Variants in ZBTB11 observed in about 807,000 individuals in gnomAD.
ZBTB11 encodes zinc finger and BTB domain-containing protein 11.
In ZBTB11, 68 loss-of-function variants were observed where a neutral mutation model predicts 113.1. The ratio of observed to expected loss-of-function variants is 0.60; its 90% confidence interval spans 0.49 to 0.74. The LOEUF is 0.74. Ranked by LOEUF, ZBTB11 falls within the 30% of genes least tolerant of loss-of-function variation. The pLI, the probability that ZBTB11 is intolerant of heterozygous loss-of-function variation, is 0.00. For missense variants in ZBTB11, 1,104 were observed against 1,279.4 expected, an observed-to-expected ratio of 0.86 and a Z score of 2.09; for synonymous variants, 518 against 452.6, an observed-to-expected ratio of 1.14 and a Z score of -1.83.
chr3:101,665,323 C>T lies in ZBTB11; in HGVS notation c.1264G>A (p.Glu422Lys). 6.2e-7 allele frequency: 1 copy of T among 1,614,202 alleles called. No individual in the cohort carries two copies. The highest frequency in any genetic ancestry group is 8.5e-7 in the Non-Finnish European group (1 of 1,180,042). ...VDLITKNNQT[E>K]LETSNNRENN... The stretch of plus-strand genomic sequence containing the variant: ...TCTCTGTTGTTTGAAGTTTCTAGTT[C>T]TGTCTGGTTGTTTTTTGTTATTAAA... The change falls in exon 4 of 11, where the codon GAA becomes AAA. Residue 422 changes from glutamate (E) to lysine (K), a missense_variant. Coordinates refer to ENST00000312938, the MANE Select transcript of ZBTB11 (RefSeq NM_014415.4).
chr3:101,654,881 T>G, intron 7 of ZBTB11, 60 bp from the exon 8 acceptor site: 1 of 626,092 alleles, frequency 1.6e-6, no homozygotes. Flanking sequence ...TTTAACAGAA[T>G]TTTTTTTTTT....
chr3:101,660,180 A>T (rs1936864374), intron 5 of ZBTB11, 152 bp from the exon 6 acceptor site: 1 of 764,708 alleles, frequency 1.3e-6, no homozygotes, highest in Non-Finnish European at 2.1e-6. Context: ...GTAAAGATAA[A>T]AGGGATAAGA....
At chr3:101,658,101 T>G (rs1040318992) in intron 6 of ZBTB11, among the ~76,000 whole-genome samples, 1 of 152,000 alleles carries the variant, frequency 6.6e-6, no homozygotes, top group African/African-American at 2.4e-5. Context: ...CATAAATCAA[T>G]GAGCAGATAA....
chr3:101,665,543 C>G lies in ZBTB11; in HGVS notation c.1044G>C (p.Glu348Asp). The G allele has an allele frequency of 6.2e-7, 1 of 1,614,222 alleles. No individual in the cohort carries two copies. Among genetic ancestry groups the G allele is most frequent in the Middle Eastern group, 1.6e-4 (1 of 6,062 alleles). Reference sequence around the variant, plus strand: ...CAGTAGGTAAACTTGTTGTGGTTCCCTCACTGCTAGCAACAGGAGGTGCTG... The same window carrying G: ...CAGTAGGTAAACTTGTTGTGGTTCCGTCACTGCTAGCAACAGGAGGTGCTG... ...GGTAPPVASS[E>D]GTTTSLPTEL... The change falls in exon 4 of 11, where the codon GAG becomes GAC. Residue 348 changes from glutamate (E) to aspartate (D), a missense_variant. Transcript: ENST00000312938.
chr3:101,656,061 T>C (rs1576644592), intron 7 of ZBTB11, 43 bp downstream of exon 7: 1 of 1,352,684 alleles, frequency 7.4e-7, no homozygotes, highest in East Asian at 2.7e-5. Context: ...TAATCATTAA[T>C]AGTTTATGAA....
intron 5 of ZBTB11, among the ~76,000 whole-genome samples, chr3:101,661,061 G>T (rs558707812): frequency 6.6e-6 from 1 of 151,678 alleles, no homozygotes; most frequent in Middle Eastern, 3.2e-3. Context: ...GTAAAACCCT[G>T]TCTCTACAAA....
intron 1 of ZBTB11, among the ~76,000 whole-genome samples, chr3:101,672,958 C>G (rs913195282): frequency 1.3e-5 from 2 of 152,138 alleles, no homozygotes; most frequent in Admixed American, 1.3e-4. Context: ...ATGAAAAAAG[C>G]TGAAACCAAT....
At chr3:101,668,023 C>T (rs1349461412) in intron 3 of ZBTB11, among the ~76,000 whole-genome samples, 1 of 151,798 alleles carries the variant, frequency 6.6e-6, no homozygotes, top group Admixed American at 6.6e-5. Flanking sequence ...ACTATTCAGC[C>T]ATAAAAAAGA....
chr3:101,650,722 T>C lies in ZBTB11; in HGVS notation c.*444A>G, dbSNP rs924248647. ...ATATTAGAATTTTCTTTTTAATCCATAAACAGGGCAAATAAATCACAGAAT... is the reference window on the plus strand; with the variant it reads ...ATATTAGAATTTTCTTTTTAATCCACAAACAGGGCAAATAAATCACAGAAT... On this transcript the variant is annotated 3_prime_UTR_variant, in exon 11 of 11. Transcript: ENST00000312938. 1 of 153,232 alleles carries C rather than the reference T, an allele frequency of 6.5e-6. No homozygotes were observed. Among genetic ancestry groups the C allele is most frequent in the Non-Finnish European group, 1.5e-5 (1 of 68,638 alleles). 9.5% of individuals were successfully genotyped at this position (153,232 alleles called of 1,614,324 possible). A position where few individuals can be genotyped will look rare whatever the true frequency, so the allele number is the denominator to read the frequency against.
Position 101,676,853 on chromosome 3 carries a change from T to G in ZBTB11, c.62A>C (p.Tyr21Ser), listed in dbSNP as rs760710822. ...GACATTGCCCTCGGTGCCCGGCGCA[T>G]ACGGCTCGCGCTCGTTCGTCAGGTA... ...LRYLTNEREP[Y>S]APGTEGNVKR... Residue 21 changes from tyrosine (Y) to serine (S), a missense_variant, in exon 1 of 11, where the codon TAT (tyrosine) becomes TCT (serine). Around this residue, in one of 5 missense-constraint regions of ZBTB11, gnomAD observed 245 missense variants for 272.5 expected, o/e 0.90. Coordinates refer to ENST00000312938, the MANE Select transcript of ZBTB11 (RefSeq NM_014415.4). 1 of 1,610,478 alleles carries G rather than the reference T, an allele frequency of 6.2e-7. No homozygotes were observed. Among genetic ancestry groups the G allele is most frequent in the African/African-American group, 1.3e-5 (1 of 74,822 alleles).
intron 2 of ZBTB11, 52 bp downstream of exon 2, chr3:101,671,926 A>G: frequency 7.1e-7 from 1 of 1,403,022 alleles, no homozygotes; most frequent in Non-Finnish European, 1.0e-6. Flanking sequence ...AAGGCTGCAA[A>G]TACTAGTACA....
Position 101,671,251 on chromosome 3 carries a change from TAAC to T in ZBTB11, c.654_656del (p.Leu219del). Reference sequence around the variant, plus strand: ...GAGCTTTGTACTCTTCTCCTTCAATTAACAAAGTAACATCACAGAACTGGTTGG... The same window carrying T: ...GAGCTTTGTACTCTTCTCCTTCAATTAAAGTAACATCACAGAACTGGTTGG... On this transcript the variant is annotated inframe_deletion, in exon 3 of 11. Coordinates refer to ENST00000312938, the MANE Select transcript of ZBTB11 (RefSeq NM_014415.4). 1 of 1,614,208 alleles carries T rather than the reference TAAC, an allele frequency of 6.2e-7. No individual in the cohort carries two copies. Among genetic ancestry groups the T allele is most frequent in the Non-Finnish European group, 8.5e-7 (1 of 1,180,016 alleles).
chr3:101,651,221 G>A lies in ZBTB11; in HGVS notation c.3107C>T (p.Ala1036Val), dbSNP rs753229892. The A allele has an allele frequency of 3.1e-6, 5 of 1,611,426 alleles. No individual in the cohort carries two copies. Among genetic ancestry groups the A allele is most frequent in the Non-Finnish European group, 4.2e-6 (5 of 1,179,236 alleles). The stretch of plus-strand genomic sequence containing the variant: ...TACTTTAACAGTTTGAATAGCTTCT[G>A]CAACTTCAGATAGCTTCTGTCCTTG... ...QQQGQKLSEV[A>V]EAIQTVKVEV... Residue 1036 changes from alanine (A) to valine (V), a missense_variant, in exon 11 of 11, where the codon GCA becomes GTA. Around this residue, in one of 5 missense-constraint regions of ZBTB11, gnomAD observed 90 missense variants for 98.0 expected, o/e 0.92. Coordinates refer to ENST00000312938, the MANE Select transcript of ZBTB11 (RefSeq NM_014415.4).
chr3:101,676,873 C>G lies in ZBTB11; in HGVS notation c.42G>C (p.Leu14=). Residue 14 remains leucine (L), a synonymous_variant, in exon 1 of 11, where the codon CTG becomes CTC. Transcript: ENST00000312938. ...EESYRAILRY[L]TNEREPYAPG... ...GCGCATACGGCTCGCGCTCGTTCGT[C>G]AGGTAACGCAGGATGGCCCGGTAGC... 6.2e-7 allele frequency: 1 copy of G among 1,603,888 alleles called. No individual in the cohort carries two copies. Among genetic ancestry groups the G allele is most frequent in the Non-Finnish European group, 8.5e-7 (1 of 1,174,514 alleles).
intron 1 of ZBTB11, 160 bp downstream of exon 1, chr3:101,676,445 C>T (rs1210869806): frequency 2.8e-6 from 2 of 719,224 alleles, no homozygotes; most frequent in South Asian, 3.4e-5. Flanking sequence ...AAGTGCGGCT[C>T]CTTTCGCGTC....
At chr3:101,652,034 C>T (rs1384181612) in intron 10 of ZBTB11, among the ~76,000 whole-genome samples, 1 of 151,926 alleles carries the variant, frequency 6.6e-6, no homozygotes, top group African/African-American at 2.4e-5. Context: ...GAGGCTGAGG[C>T]ATGACAATCA....
At chr3:101,654,946 C>T (rs1275444541) in intron 7 of ZBTB11, 125 bp from the exon 8 acceptor site, 7 of 643,448 alleles carry the variant, frequency 1.1e-5, no homozygotes, top group East Asian at 8.0e-5. Context: ...GGCGTGATCT[C>T]GGCTCATCGC....
rs538625983 is a variant in ZBTB11, at chr3:101,673,575, G to T, written c.311-1362C>A. Reference sequence around the variant, plus strand: ...GTTGCCCAGGCTGGAGTGCAGTGGTGGGATCCCGGCTCACTGCAACCTCCG... The same window carrying T: ...GTTGCCCAGGCTGGAGTGCAGTGGTTGGATCCCGGCTCACTGCAACCTCCG... On this transcript the variant is annotated intron_variant, in intron 1 of 10. Transcript: ENST00000312938. Among the ~76,000 whole-genome samples, 6 of 151,488 alleles carry T rather than the reference G, an allele frequency of 4.0e-5. No homozygotes were observed. The South Asian group carries it at 1.3e-3, about 32-fold the overall frequency.
In ZBTB11 at chr3:101,652,665, A is replaced by G. The variant is rs527727955; in HGVS notation, c.2475T>C (p.Asn825=). The change falls in exon 10 of 11, where the codon AAT becomes AAC. Residue 825 remains asparagine, a synonymous_variant. Coordinates refer to ENST00000312938, the MANE Select transcript of ZBTB11 (RefSeq NM_014415.4). The part of the protein sequence containing the change: ...SHSVTEPYRC[N]ICGKEFYEKA... ...TTTCATAAAATTCTTTGCCACATATATTACACCTAAAATAGGGGAAAAGAC... is the reference window on the plus strand; with the variant it reads ...TTTCATAAAATTCTTTGCCACATATGTTACACCTAAAATAGGGGAAAAGAC... The G allele has an allele frequency of 6.2e-7, 1 of 1,613,580 alleles. No homozygotes were observed. Among genetic ancestry groups the G allele is most frequent in the South Asian group, 1.1e-5 (1 of 91,040 alleles).
Sources: allele counts gnomAD v4.1 joint callset (sites outside exome capture counted in the v4.1 genomes callset), GRCh38; gene constraint gnomAD v4.1.1; regional missense constraint gnomAD v4.1.1; transcripts MANE v1.5; gene names NCBI Gene and HGNC (gene_info 2026-07-23, HGNC 2026-07-21).